The following RGS9 variants were observed in gnomAD, a reference collection of about 807,000 sequenced individuals.
RGS9 encodes the protein regulator of G protein signaling 9.
Under a neutral mutation model 102.0 loss-of-function variants are expected in RGS9, and 78 were observed. The observed-to-expected ratio is 0.76, with a 90% CI of 0.64 to 0.92. RGS9 has a LOEUF of 0.92. Ranked by LOEUF, RGS9 falls within the 40% of genes least tolerant of loss-of-function variation. RGS9 has a pLI of 0.00. For synonymous variants in RGS9, 353 were observed against 318.6 expected (o/e 1.11, Z -1.15); for missense variants, 833 against 866.1 (o/e 0.96, Z 0.48).
intron 9 of RGS9, among the ~76,000 whole-genome samples, chr17:65,178,626 C>T (rs1911737853): frequency 6.6e-6 from 1 of 152,120 alleles, no homozygotes; most frequent in Non-Finnish European, 1.5e-5. Context: ...GCCTTAGCCA[C>T]CCAAGTAGCT....
Position 65,197,187 on chromosome 17 carries a change from C to G in RGS9, c.922C>G (p.Arg308Gly). 1.9e-6 allele frequency: 3 copies of G among 1,613,958 alleles called. No individual in the cohort carries two copies. In the South Asian group the frequency reaches 3.3e-5, roughly 18 times the overall value. Residue 308 changes from arginine to glycine, a missense_variant, in exon 13 of 19, where the codon CGA (arginine) becomes GGA (glycine). Arg to Gly is a moderately radical substitution (Grantham distance 125). This residue lies in a region of RGS9 where 185 missense variants were observed against 248.7 expected (regional missense o/e 0.74). Transcript: ENST00000262406. ...GGCCTTCAACTTCAGCGAATTGATC[C>G]GAGACCCCAAAGGTCGACAGAGCTT... Reference protein sequence around the residue: ...RWAFNFSELIRDPKGRQSFQY... With the variant: ...RWAFNFSELIGDPKGRQSFQY...
intron 1 of RGS9, among the ~76,000 whole-genome samples, chr17:65,143,693 C>T (rs1292488429): frequency 6.6e-6 from 1 of 151,134 alleles, no homozygotes. Flanking sequence ...ACTAGGGAGG[C>T]TGAGGTGTGA....
At chr17:65,176,710 A>ACCATCCATCCATCCAT (rs3034105) in intron 8 of RGS9, among the ~76,000 whole-genome samples, 1 of 147,140 alleles carries the variant, frequency 6.8e-6, no homozygotes, top group African/African-American at 2.5e-5. Context: ...TACTCACTCA[A>ACCATCCATCCATCCAT]CCATCCATCC....
Position 65,217,341 on chromosome 17 carries a change from C to CA in RGS9, c.1407+6742dup, listed in dbSNP as rs1466856409. 3.3e-5 allele frequency among the ~76,000 whole-genome samples: 5 copies of CA among 152,222 alleles called. No homozygotes were observed. In the South Asian group the frequency reaches 1.0e-3, roughly 32 times the overall value. On this transcript the variant is annotated intron_variant, in intron 17 of 18. Transcript: ENST00000262406. ...TGGCCCACACAGGACTTTATGTGAA[C>CA]AAAAAACCAGACCTTTATTATAAGA...
chr17:65,158,158 G>A, intron 2 of RGS9, 137 bp from the exon 3 acceptor site: 1 of 809,178 alleles, frequency 1.2e-6, no homozygotes, highest in Non-Finnish European at 2.2e-6. Context: ...TGATGAGGTG[G>A]GGGTTTCTGA....
chr17:65,202,207 G>A, intron 14 of RGS9, 127 bp downstream of exon 14: 1 of 702,236 alleles, frequency 1.4e-6, no homozygotes. Context: ...GTCAGCATCA[G>A]TTCACTGTAC....
chr17:65,179,454 G>A (rs1911769243), intron 9 of RGS9, among the ~76,000 whole-genome samples: 3 of 151,940 alleles, frequency 2.0e-5, no homozygotes, highest in Admixed American at 2.0e-4. Context: ...CAGAATCCTC[G>A]AGTAAAAGAT....
At chr17:65,204,645 C>T (rs950578458) in intron 15 of RGS9, among the ~76,000 whole-genome samples, 11 of 152,318 alleles carry the variant, frequency 7.2e-5, no homozygotes, top group Middle Eastern at 3.4e-3. Context: ...CCCTCACCCA[C>T]GGGCCTAGAG....
intron 14 of RGS9, 97 bp downstream of exon 14, chr17:65,202,177 T>G: frequency 1.2e-6 from 1 of 823,206 alleles, no homozygotes; most frequent in South Asian, 1.4e-5. Context: ...GACAACAGCC[T>G]GGTAGCTGGC....
chr17:65,227,216 G>A (rs896730854), intron 18 of RGS9, 59 bp from the exon 19 acceptor site: 1 of 1,609,340 alleles, frequency 6.2e-7, no homozygotes, highest in Non-Finnish European at 8.5e-7. Flanking sequence ...ATGATTTGGG[G>A]AGGTGCAGTC....
In RGS9 at chr17:65,168,139, G is replaced by T. The variant is rs1911264172; in HGVS notation, c.501-61G>T. ...GGGTCTAGGTCATCAGGAATGAGGG[G>T]CATCACTAATCAAAAGACACAAAGT... is the stretch of plus-strand genomic sequence containing the variant. On this transcript the variant is annotated intron_variant, in intron 7 of 18. Transcript: ENST00000262406. 7 of 1,089,184 alleles carry T rather than the reference G, an allele frequency of 6.4e-6. No individual in the cohort carries two copies. In the South Asian group the frequency reaches 9.3e-5, roughly 14 times the overall value. 67.5% of individuals were successfully genotyped at this position (1,089,184 alleles called of 1,614,324 possible). A position where few individuals can be genotyped will look rare whatever the true frequency, so the allele number is the denominator to read the frequency against.
chr17:65,202,103 GA>G, intron 14 of RGS9, 23 bp downstream of exon 14: 1 of 1,569,628 alleles, frequency 6.4e-7, no homozygotes, highest in Non-Finnish European at 8.8e-7. Flanking sequence ...CAGGGTGCTG[GA>G]AAGCCTTCCC....
intron 1 of RGS9, 141 bp from the exon 2 acceptor site, chr17:65,153,281 G>A: frequency 1.3e-6 from 1 of 772,140 alleles, no homozygotes; most frequent in Non-Finnish European, 2.4e-6. Context: ...GTCACTCAGT[G>A]CCCACCTGGC....
intron 13 of RGS9, among the ~76,000 whole-genome samples, chr17:65,200,966 G>C (rs1912809841): frequency 6.6e-6 from 1 of 152,166 alleles, no homozygotes; most frequent in South Asian, 2.1e-4. Context: ...GCTATTTGTA[G>C]TTAAGTTTTT....
At chr17:65,215,474 C>CTTTCTTTTTCTTTCTTTCTT (rs1378047430) in intron 17 of RGS9, among the ~76,000 whole-genome samples, 1 of 137,046 alleles carries the variant, frequency 7.3e-6, no homozygotes, top group African/African-American at 3.2e-5. Context: ...TTCTTTCTTT[C>CTTTCTTTTTCTTTCTTTCTT]TCTATCTTTC....
At chr17:65,174,560 T>C (rs1366699445) in intron 8 of RGS9, among the ~76,000 whole-genome samples, 1 of 152,012 alleles carries the variant, frequency 6.6e-6, no homozygotes, top group Non-Finnish European at 1.5e-5. Context: ...TAAGTGAGCA[T>C]GTATGTGAGT....
At chr17:65,151,914 C>G (rs953902914) in intron 1 of RGS9, among the ~76,000 whole-genome samples, 2 of 152,164 alleles carry the variant, frequency 1.3e-5, no homozygotes, top group Admixed American at 1.3e-4. Context: ...ATGTGGCAGG[C>G]ATGCTTCCTG....
intron 2 of RGS9, 79 bp from the exon 3 acceptor site, chr17:65,158,216 C>T: frequency 7.5e-7 from 1 of 1,333,424 alleles, no homozygotes; most frequent in South Asian, 1.2e-5. Context: ...GGGAAGGAGA[C>T]CAGTCAGGCA....
intron 15 of RGS9, 122 bp from the exon 16 acceptor site, chr17:65,207,800 G>A: frequency 1.5e-6 from 1 of 682,442 alleles, no homozygotes; most frequent in South Asian, 1.5e-5. Flanking sequence ...TTCACCCAAG[G>A]AGACAAATTC....
Sources: gnomAD v4.1 joint callset for allele counts (sites outside exome capture counted in the v4.1 genomes callset) on GRCh38, gnomAD v4.1.1 for gene constraint, gnomAD v4.1.1 regional missense constraint, MANE v1.5 for transcripts, NCBI Gene and HGNC (gene_info 2026-07-23, HGNC 2026-07-21) for gene names.